Variants in TLE3 observed in about 807,000 individuals in gnomAD.
TLE3 encodes transducin-like enhancer protein 3.
Under a neutral mutation model 93.0 loss-of-function variants are expected in TLE3, and 14 were observed. The observed-to-expected ratio is 0.15, with a 90% confidence interval of 0.10 to 0.24. The LOEUF (loss-of-function observed/expected upper bound fraction) is 0.24. TLE3 is among the 10% of genes least tolerant of loss of function. The pLI, the probability that TLE3 is intolerant of heterozygous loss-of-function variation, is 1.00. For missense variants in TLE3, 693 were observed against 1,046.6 expected, an observed-to-expected ratio of 0.66 and a Z score of 4.66; for synonymous variants, 451 against 425.0, an observed-to-expected ratio of 1.06 and a Z score of -0.75.
chr15:70,081,406 T>C (rs1441610409), intron 4 of TLE3, among the ~76,000 whole-genome samples: 2 of 152,254 alleles, frequency 1.3e-5, no homozygotes, highest in Non-Finnish European at 2.9e-5. Flanking sequence ...CTGGCTGACC[T>C]GGGCTGGGTC....
chr15:70,091,470 T>TTCCCAGAC (rs2058305322), intron 4 of TLE3, among the ~76,000 whole-genome samples: 2 of 152,222 alleles, frequency 1.3e-5, no homozygotes, highest in Non-Finnish European at 2.9e-5. Flanking sequence ...CATCACTGCC[T>TTCCCAGAC]TCCCAGACTC....
At chr15:70,095,407 C>G (rs1000201626) in intron 3 of TLE3, 171 bp downstream of exon 3, 47 of 1,480,418 alleles carry the variant, frequency 3.2e-5, no homozygotes, top group Non-Finnish European at 4.2e-5. Flanking sequence ...CAAGTGGCCC[C>G]GGCAATGGAA....
intron 14 of TLE3, chr15:70,055,511 G>A: frequency 1.9e-6 from 1 of 527,746 alleles, no homozygotes; most frequent in Non-Finnish European, 3.1e-6. Flanking sequence ...TTTACACCCA[G>A]TTATATATCC....
intron 12 of TLE3, 117 bp from the exon 13 acceptor site, chr15:70,057,775 C>T (rs2056178499): frequency 3.0e-6 from 4 of 1,317,510 alleles, no homozygotes; most frequent in Non-Finnish European, 4.1e-6. Flanking sequence ...AGGCAGTCCT[C>T]TCAGACTGAA....
intron 9 of TLE3, among the ~76,000 whole-genome samples, chr15:70,060,095 C>T (rs151163499): frequency 9.2e-5 from 14 of 152,340 alleles, no homozygotes; most frequent in African/African-American, 3.4e-4. Context: ...GTGCCGGGGG[C>T]ATCCCATTAA....
chr15:70,080,709 G>T (rs1170142737), intron 4 of TLE3, among the ~76,000 whole-genome samples: 1 of 152,102 alleles, frequency 6.6e-6, no homozygotes, highest in Non-Finnish European at 1.5e-5. Context: ...GTAAACCGAG[G>T]GTACTTGAGC....
intron 8 of TLE3, 82 bp from the exon 9 acceptor site, chr15:70,060,731 T>A (rs947546256): frequency 6.3e-7 from 1 of 1,583,274 alleles, no homozygotes; most frequent in Non-Finnish European, 8.6e-7. Context: ...TAAGTGCAGG[T>A]GACACGGAGG....
intron 4 of TLE3, among the ~76,000 whole-genome samples, chr15:70,076,470 G>A (rs1460919332): frequency 1.3e-5 from 2 of 152,084 alleles, no homozygotes; most frequent in Admixed American, 6.5e-5. Flanking sequence ...AAAGCAAAAC[G>A]AAATAAAAAT....
chr15:70,050,480 C>T lies in TLE3; in HGVS notation c.2203-276G>A. 8.6e-6 allele frequency: 3 copies of T among 349,144 alleles called. No individual in the cohort carries two copies. In the South Asian group the frequency reaches 1.0e-4, roughly 12 times the overall value. 21.6% of individuals were successfully genotyped at this position (349,144 alleles called of 1,614,324 possible). ...GTAACAGTCTCCCACGTGATCTTTA[C>T]AGTAAGTCATAATGATCAGAACAGG... On this transcript the variant is annotated intron_variant, in intron 19 of 19. Transcript: ENST00000451782.
rs1260327089 is a variant in TLE3 at position 70,050,177 on chromosome 15, A to C, written c.2230T>G (p.Cys744Gly). The change falls in exon 20 of 20, where the codon TGT (cysteine) becomes GGT (glycine). Residue 744 changes from cysteine to glycine, a missense_variant. Cys to Gly is a radical substitution (Grantham distance 159, BLOSUM62 -3). Around this residue, in one of 4 missense-constraint regions of TLE3, gnomAD observed 153 missense variants for 379.9 expected, o/e 0.40. Transcript: ENST00000451782. The stretch of plus-strand genomic sequence containing the variant: ...TATTTGTCATCCGCTGAAATGTCAC[A>C]ACTCAAGACAGACGAGGATTCTTTA... Reference protein sequence around the residue: ...QSKESSSVLSCDISADDKYIV... With the variant: ...QSKESSSVLSGDISADDKYIV... The C allele has an allele frequency of 6.2e-7, 1 of 1,614,080 alleles. No homozygotes were observed. The highest frequency in any genetic ancestry group is 8.5e-7 in the Non-Finnish European group (1 of 1,179,928).
rs367591884 is a variant in TLE3, at chr15:70,054,521, A to G, written c.1743T>C (p.Ile581=). The G allele has an allele frequency of 1.3e-3, 2,063 of 1,614,066 alleles. No homozygotes were observed. The highest frequency in any genetic ancestry group is 1.6e-3 in the Non-Finnish European group (1,911 of 1,179,900). Reference sequence around the variant, plus strand: ...AGAAGCAGACTTTGGCGTCAGGGCTAATGGCCAGGGCATAACAGGCGGGAG... The same window carrying G: ...AGAAGCAGACTTTGGCGTCAGGGCTGATGGCCAGGGCATAACAGGCGGGAG... ...SSAPACYALA[I]SPDAKVCFSC... The change falls in exon 16 of 20, where the codon ATT becomes ATC. Residue 581 remains isoleucine (I), a synonymous_variant. Transcript: ENST00000451782.
At chr15:70,081,664 T>G (rs2057785588) in intron 4 of TLE3, among the ~76,000 whole-genome samples, 1 of 152,222 alleles carries the variant, frequency 6.6e-6, no homozygotes, top group Non-Finnish European at 1.5e-5. Context: ...CAAGCGGCCA[T>G]CCCATGCTAC....
At position 70,097,172 on chromosome 15, in the gene TLE3, CG is replaced by C; in HGVS notation, c.-375del. On this transcript the variant is annotated 5_prime_UTR_variant, in exon 1 of 20. Coordinates refer to ENST00000451782, the MANE Select transcript of TLE3 (RefSeq NM_001105192.3). ...CAGGTCCGGCGCGGGGTCCCGAGGCCGGGGGCCCCTCCTGGGGCGAGCTCGG... is the reference window on the plus strand; with the variant it reads ...CAGGTCCGGCGCGGGGTCCCGAGGCCGGGGCCCCTCCTGGGGCGAGCTCGG... 7.2e-6 allele frequency: 3 copies of C among 417,866 alleles called. No individual in the cohort carries two copies. Among genetic ancestry groups the C allele is most frequent in the South Asian group, 8.8e-5 (1 of 11,384 alleles). The allele number at this position is 417,866 out of a possible 1,614,324, so 25.9% of individuals were successfully genotyped here. A position where few individuals can be genotyped will look rare whatever the true frequency, so the allele number is the denominator to read the frequency against.
chr15:70,057,381 T>C, intron 13 of TLE3, 78 bp downstream of exon 13: 1 of 1,488,454 alleles, frequency 6.7e-7, no homozygotes, highest in Non-Finnish European at 9.0e-7. Flanking sequence ...CCCTTTAGCA[T>C]GTGGGGAGCA....
At position 70,066,079 on chromosome 15, in the gene TLE3, G is replaced by A. The variant is rs2056798977; in HGVS notation, c.512C>T (p.Ala171Val). Residue 171 changes from alanine (A) to valine (V), a missense_variant, in exon 7 of 20, where the codon GCC becomes GTC. Transcript: ENST00000451782. ...GSSSGLLALG[A>V]LGSQAHLTVK... ...CGTCAGATGGGCCTGGCTGCCCAGGGCGCCCAGTGCCAGCAGCCCGGAGCT... is the reference window on the plus strand; with the variant it reads ...CGTCAGATGGGCCTGGCTGCCCAGGACGCCCAGTGCCAGCAGCCCGGAGCT... 3 of 1,600,238 alleles carry A rather than the reference G, an allele frequency of 1.9e-6. No individual in the cohort carries two copies. The highest frequency in any genetic ancestry group is 1.3e-5 in the African/African-American group (1 of 74,602).
chr15:70,059,544 T>TA lies in TLE3; in HGVS notation c.715-85dup. 7 of 1,394,812 alleles carry TA rather than the reference T, an allele frequency of 5.0e-6. 1 individual carries two copies. In the Admixed American group the frequency reaches 1.0e-4, roughly 21 times the overall value. The allele number at this position is 1,394,812 out of a possible 1,614,324, so 86.4% of individuals were successfully genotyped here. A position where few individuals can be genotyped will look rare whatever the true frequency, so the allele number is the denominator to read the frequency against. On this transcript the variant is annotated intron_variant, in intron 9 of 19. Coordinates refer to ENST00000451782, the MANE Select transcript of TLE3 (RefSeq NM_001105192.3). The stretch of plus-strand genomic sequence containing the variant: ...CTGAGCCCAAACCACCCTGTCCTTC[T>TA]ACTGGCCAGGACCTGAAGCCAGGCC...
intron 4 of TLE3, among the ~76,000 whole-genome samples, chr15:70,078,691 G>T (rs2057581184): frequency 1.3e-5 from 2 of 152,188 alleles, no homozygotes; most frequent in African/African-American, 4.8e-5. Flanking sequence ...CACCAACGGG[G>T]TGGGGTGGCA....
intron 4 of TLE3, among the ~76,000 whole-genome samples, chr15:70,091,213 G>A (rs572850857): frequency 2.0e-5 from 3 of 152,344 alleles, no homozygotes; most frequent in East Asian, 3.9e-4. Context: ...ACAGAAAAAG[G>A]TGACTGTATT....
intron 6 of TLE3, among the ~76,000 whole-genome samples, chr15:70,068,561 T>G (rs148826949): frequency 2.1e-4 from 32 of 152,304 alleles, no homozygotes; most frequent in Middle Eastern, 3.4e-3. Flanking sequence ...CATTTTATAG[T>G]GCAGAGCCAA....
Sources: allele counts gnomAD v4.1 joint callset (sites outside exome capture counted in the v4.1 genomes callset), GRCh38; gene constraint gnomAD v4.1.1; regional missense constraint gnomAD v4.1.1; transcripts MANE v1.5; gene names NCBI Gene and HGNC (gene_info 2026-07-23, HGNC 2026-07-21).